ACOX2: variants seen among roughly 807,000 people sequenced by gnomAD.
ACOX2 encodes the protein acyl-CoA oxidase 2, also known as peroxisomal acyl-coenzyme A oxidase 2.
Under a neutral mutation model 77.5 loss-of-function variants are expected in ACOX2, and 59 were observed. That is an observed-to-expected ratio of 0.76 (90% CI 0.62 to 0.95). The LOEUF (loss-of-function observed/expected upper bound fraction) is 0.95, where lower values mean the gene tolerates loss of function less well. Ranked by LOEUF, ACOX2 falls within the 40% of genes least tolerant of loss-of-function variation. ACOX2 has a pLI of 0.00. For synonymous variants in ACOX2, 317 were observed against 340.1 expected, an observed-to-expected ratio of 0.93 and a Z score of 0.75; for missense variants, 837 against 880.4, an observed-to-expected ratio of 0.95 and a Z score of 0.62.
Position 58,525,381 on chromosome 3 carries a change from T to C in ACOX2, c.1347-776A>G, listed in dbSNP as rs1306816398. 6.6e-6 allele frequency among the ~76,000 whole-genome samples: 1 copy of C among 152,236 alleles called. No individual in the cohort carries two copies. The highest frequency in any genetic ancestry group is 6.5e-5 in the Admixed American group (1 of 15,290). ...ATAGGGAAGCATTTGCCCTGTTTGT[T>C]CACCTGAGAATAGGTGAGGATGAGG... On this transcript the variant is annotated intron_variant, in intron 10 of 14. Coordinates refer to ENST00000302819, the MANE Select transcript of ACOX2 (RefSeq NM_003500.4). The surrounding 1 kb of genome is among the most constrained non-coding windows in gnomAD (Gnocchi z 5.0).
At position 58,519,937 on chromosome 3, in the gene ACOX2, G is replaced by A. The variant is rs374885084; in HGVS notation, c.1633-2514C>T. ...GAGAGCCACATCCTCAAATGCTCAAGGCTCTGAGTTGAGGAGTGGAGTGAT... is the reference window on the plus strand; with the variant it reads ...GAGAGCCACATCCTCAAATGCTCAAAGCTCTGAGTTGAGGAGTGGAGTGAT... On this transcript the variant is annotated intron_variant, in intron 12 of 14. Coordinates refer to ENST00000302819, the MANE Select transcript of ACOX2 (RefSeq NM_003500.4). This position sits in a 1 kb window ranked among gnomAD's most constrained non-coding sequence, Gnocchi z 5.0. Among the ~76,000 whole-genome samples the A allele has an allele frequency of 1.2e-4, 18 of 152,354 alleles. No homozygotes were observed. Among genetic ancestry groups the A allele is most frequent in the African/African-American group, 4.3e-4 (18 of 41,582 alleles).
chr3:58,507,332 T>G (rs553039957), intron 14 of ACOX2, among the ~76,000 whole-genome samples: 26 of 152,356 alleles, frequency 1.7e-4, no homozygotes, highest in African/African-American at 6.0e-4. Context: ...GTGAATGGGA[T>G]GAAGTGCATC....
chr3:58,533,044 T>C lies in ACOX2; in HGVS notation c.583+401A>G, dbSNP rs2063452694. 6.6e-6 allele frequency among the ~76,000 whole-genome samples: 1 copy of C among 152,134 alleles called. No homozygotes were observed. Among genetic ancestry groups the C allele is most frequent in the Admixed American group, 6.5e-5 (1 of 15,286 alleles). On this transcript the variant is annotated intron_variant, in intron 5 of 14. Coordinates refer to ENST00000302819, the MANE Select transcript of ACOX2 (RefSeq NM_003500.4). The surrounding 1 kb of genome is among the most constrained non-coding windows in gnomAD (Gnocchi z 5.6). Reference sequence around the variant, plus strand: ...GCAGGCAGGCGTATTCTTTCCACTGTGTCATCACAGGGCCTGTGCTCTGGC... The same window carrying C: ...GCAGGCAGGCGTATTCTTTCCACTGCGTCATCACAGGGCCTGTGCTCTGGC...
chr3:58,534,204 C>A lies in ACOX2; in HGVS notation c.324-59G>T. ...ATTGGAGACAGGGGCCCAGGTACCC[C>A]CTGCCTGAGCAGAGTACAGGAGATA... On this transcript the variant is annotated intron_variant, in intron 3 of 14. Transcript: ENST00000302819. The surrounding 1 kb of genome is among the most constrained non-coding windows in gnomAD (Gnocchi z 4.8). 2.5e-6 allele frequency: 4 copies of A among 1,605,902 alleles called. No homozygotes were observed. The highest frequency in any genetic ancestry group is 2.6e-6 in the Non-Finnish European group (3 of 1,176,406).
chr3:58,507,511 G>T (rs2063243657), intron 14 of ACOX2, among the ~76,000 whole-genome samples: 2 of 152,208 alleles, frequency 1.3e-5, no homozygotes. Context: ...TGTTTCCTGT[G>T]TTGCCAGTAT....
At position 58,534,530 on chromosome 3, in the gene ACOX2, G is replaced by A. The variant is rs758963873; in HGVS notation, c.161-8C>T. 5 of 1,614,030 alleles carry A rather than the reference G, an allele frequency of 3.1e-6. No homozygotes were observed. The highest frequency in any genetic ancestry group is 1.3e-5 in the African/African-American group (1 of 74,914). ...AACTGTGGATGATGCTCTCTGCAGAGGACAGAGAACAGAGGGCTTAGGGAC... is the reference window on the plus strand; with the variant it reads ...AACTGTGGATGATGCTCTCTGCAGAAGACAGAGAACAGAGGGCTTAGGGAC... On this transcript the variant is annotated splice_polypyrimidine_tract_variant and splice_region_variant and intron_variant, in intron 2 of 14. Transcript: ENST00000302819. This position sits in a 1 kb window ranked among gnomAD's most constrained non-coding sequence, Gnocchi z 4.8.
rs2063360777 is a variant in ACOX2, at chr3:58,521,853, G to C, written c.1632+643C>G. Among the ~76,000 whole-genome samples the C allele has an allele frequency of 2.0e-5, 3 of 152,136 alleles. No homozygotes were observed. In the South Asian group the frequency reaches 6.2e-4, roughly 32 times the overall value. On this transcript the variant is annotated intron_variant, in intron 12 of 14. Transcript: ENST00000302819. This position sits in a 1 kb window ranked among gnomAD's most constrained non-coding sequence, Gnocchi z 4.8. ...CTTGCTGCTTCCTTTTGCACGCGCA[G>C]CTCCCTTTGCCTGGAAACTTTTCTC... is the stretch of plus-strand genomic sequence containing the variant.
chr3:58,526,604 T>A lies in ACOX2; in HGVS notation c.1208A>T (p.Gln403Leu), dbSNP rs2063397309. 1.9e-6 allele frequency: 3 copies of A among 1,614,042 alleles called. No individual in the cohort carries two copies. Among genetic ancestry groups the A allele is most frequent in the Non-Finnish European group, 2.5e-6 (3 of 1,180,032 alleles). The stretch of plus-strand genomic sequence containing the variant: ...GGCCCTGCGGCACATCTCAGCTCCC[T>A]GGGTGCAGAATTCTGACATCATGGC... ...MKAMMSEFCT[Q>L]GAEMCRRACG... Residue 403 changes from glutamine to leucine, a missense_variant, in exon 10 of 15, where the codon CAG becomes CTG. Gln to Leu is a moderately radical substitution (Grantham distance 113). Transcript: ENST00000302819. This position sits in a 1 kb window ranked among gnomAD's most constrained non-coding sequence, Gnocchi z 4.3.
intron 5 of ACOX2, among the ~76,000 whole-genome samples, chr3:58,532,370 T>C (rs1474394912): frequency 6.6e-6 from 1 of 152,082 alleles, no homozygotes; most frequent in Admixed American, 6.6e-5. Context: ...TCTCTTTTTT[T>C]TTCTTTTTCT....
rs1429488013 is a variant in ACOX2 at position 58,533,621 on chromosome 3, G to A, written c.476-69C>T. 1 of 1,476,134 alleles carries A rather than the reference G, an allele frequency of 6.8e-7. No individual in the cohort carries two copies. The highest frequency in any genetic ancestry group is 9.5e-7 in the Non-Finnish European group (1 of 1,056,908). The allele number at this position is 1,476,134 out of a possible 1,614,324, so 91.4% of individuals were successfully genotyped here. Reference sequence around the variant, plus strand: ...TTCTTACCTGTGAAGCTGCTTCTAGGTGGGTCTGAACTCTTAGGCATCAGC... The same window carrying A: ...TTCTTACCTGTGAAGCTGCTTCTAGATGGGTCTGAACTCTTAGGCATCAGC... On this transcript the variant is annotated intron_variant, in intron 4 of 14. Coordinates refer to ENST00000302819, the MANE Select transcript of ACOX2 (RefSeq NM_003500.4). The surrounding 1 kb of genome is among the most constrained non-coding windows in gnomAD (Gnocchi z 5.6).
rs2063229866 is a variant in ACOX2, at chr3:58,505,778, C to G, written c.1984-492G>C. 6.7e-6 allele frequency among the ~76,000 whole-genome samples: 1 copy of G among 150,186 alleles called. No homozygotes were observed. Among genetic ancestry groups the G allele is most frequent in the East Asian group, 2.0e-4 (1 of 4,916 alleles). ...CTGTCTACACTAAAACTGTAAGCTCCTCGAACACTGGGCTTTTGACTGTTT... is the reference window on the plus strand; with the variant it reads ...CTGTCTACACTAAAACTGTAAGCTCGTCGAACACTGGGCTTTTGACTGTTT... On this transcript the variant is annotated intron_variant, in intron 14 of 14. Coordinates refer to ENST00000302819, the MANE Select transcript of ACOX2 (RefSeq NM_003500.4). The surrounding 1 kb of genome is among the most constrained non-coding windows in gnomAD (Gnocchi z 4.4).
chr3:58,518,771 C>T (rs1349440802), intron 12 of ACOX2, among the ~76,000 whole-genome samples: 6 of 151,722 alleles, frequency 4.0e-5, no homozygotes, highest in Non-Finnish European at 5.9e-5. Flanking sequence ...TAGTTGGGAC[C>T]ACAGGCACAC....
At position 58,534,412 on chromosome 3, in the gene ACOX2, C is replaced by T; in HGVS notation, c.271G>A (p.Ala91Thr). Residue 91 changes from alanine to threonine, a missense_variant, in exon 3 of 15, where the codon GCT (alanine) becomes ACT (threonine). Ala to Thr is a moderately conservative substitution (Grantham distance 58). Coordinates refer to ENST00000302819, the MANE Select transcript of ACOX2 (RefSeq NM_003500.4). The surrounding 1 kb of genome is among the most constrained non-coding windows in gnomAD (Gnocchi z 4.8). The part of the protein sequence containing the change: ...MRRAFHIRLI[A>T]RRLGWLEDGR... ...TCTTCTAACCAACCCAGGCGCCGAG[C>T]TATCAACCGGATGTGGAATGCCCTC... The T allele has an allele frequency of 6.2e-7, 1 of 1,614,196 alleles. No individual in the cohort carries two copies. The highest frequency in any genetic ancestry group is 2.2e-5 in the East Asian group (1 of 44,876).
At position 58,510,588 on chromosome 3, in the gene ACOX2, G is replaced by A. The variant is rs146174680; in HGVS notation, c.1851-1563C>T. Among the ~76,000 whole-genome samples the A allele has an allele frequency of 6.1e-3, 805 of 131,434 alleles. 9 individuals carry two copies. The highest frequency in any genetic ancestry group is 0.023 in the African/African-American group (772 of 34,308). The allele number at this position is 131,434 out of a possible 152,430, so 86.2% of individuals were successfully genotyped here. On this transcript the variant is annotated intron_variant, in intron 13 of 14. Coordinates refer to ENST00000302819, the MANE Select transcript of ACOX2 (RefSeq NM_003500.4). The stretch of plus-strand genomic sequence containing the variant: ...TCAGAGGTTGCAGTGAGCTGAGATC[G>A]TGCCGCTGCACTCCAGCTTGGGCAA...
In ACOX2 at chr3:58,525,229, C is replaced by A. The variant is rs558515737; in HGVS notation, c.1347-624G>T. On this transcript the variant is annotated intron_variant, in intron 10 of 14. Coordinates refer to ENST00000302819, the MANE Select transcript of ACOX2 (RefSeq NM_003500.4). The surrounding 1 kb of genome is among the most constrained non-coding windows in gnomAD (Gnocchi z 5.0). ...TATTTGTAGAGTGCTTGGCACAGTG[C>A]AGAGTACATAATATGTGCTATTGTA... Among the ~76,000 whole-genome samples the A allele has an allele frequency of 2.8e-4, 43 of 152,128 alleles. No homozygotes were observed. The highest frequency in any genetic ancestry group is 4.9e-4 in the Non-Finnish European group (33 of 68,020).
rs1330511142 is a variant in ACOX2, at chr3:58,521,981, G to A, written c.1632+515C>T. Among the ~76,000 whole-genome samples, 1 of 152,174 alleles carries A rather than the reference G, an allele frequency of 6.6e-6. No homozygotes were observed. Among genetic ancestry groups the A allele is most frequent in the African/African-American group, 2.4e-5 (1 of 41,444 alleles). ...TGGGAAGCCTTTCTGACTCCTCCAGGTGGGCAGAAGTGTACCTGCTCTGGG... is the reference window on the plus strand; with the variant it reads ...TGGGAAGCCTTTCTGACTCCTCCAGATGGGCAGAAGTGTACCTGCTCTGGG... On this transcript the variant is annotated intron_variant, in intron 12 of 14. Coordinates refer to ENST00000302819, the MANE Select transcript of ACOX2 (RefSeq NM_003500.4). This position sits in a 1 kb window ranked among gnomAD's most constrained non-coding sequence, Gnocchi z 4.8.
At chr3:58,530,426 G>A (rs765787122) in intron 8 of ACOX2, 40 bp downstream of exon 8, 2 of 1,597,626 alleles carry the variant, frequency 1.3e-6, no homozygotes, top group Admixed American at 1.7e-5. Flanking sequence ...GGACCAAGAG[G>A]CAGCATATCT....
chr3:58,527,557 AAG>A (rs2063405424), intron 9 of ACOX2, among the ~76,000 whole-genome samples: 3 of 151,832 alleles, frequency 2.0e-5, no homozygotes. Flanking sequence ...AAAAGAAAGA[AAG>A]AGGCTGCTTC....
rs1207437505 is a variant in ACOX2, at chr3:58,514,310, G to A, written c.1850+2896C>T. Among the ~76,000 whole-genome samples the A allele has an allele frequency of 6.6e-6, 1 of 152,158 alleles. No individual in the cohort carries two copies. The highest frequency in any genetic ancestry group is 1.5e-5 in the Non-Finnish European group (1 of 68,030). ...GGTTTATGCCTTTTAAAAAATTTCA[G>A]TCCATTCACTGATGTTTTAGTAGGG... is the stretch of plus-strand genomic sequence containing the variant. On this transcript the variant is annotated intron_variant, in intron 13 of 14. Coordinates refer to ENST00000302819, the MANE Select transcript of ACOX2 (RefSeq NM_003500.4). The surrounding 1 kb of genome is among the most constrained non-coding windows in gnomAD (Gnocchi z 4.3).
Sources: gnomAD v4.1 joint callset for allele counts (sites outside exome capture counted in the v4.1 genomes callset) on GRCh38, gnomAD v4.1.1 for gene constraint, Gnocchi (gnomAD v3.1) non-coding constraint, MANE v1.5 for transcripts, NCBI Gene and HGNC (gene_info 2026-07-23, HGNC 2026-07-21) for gene names.